KDM1B: variants seen among roughly 807,000 people sequenced by gnomAD.
KDM1B encodes the protein lysine demethylase 1B, also known as lysine-specific histone demethylase 2.
In KDM1B, 63 loss-of-function variants were observed where a neutral mutation model predicts 107.4. The ratio of observed to expected loss-of-function variants is 0.59; its 90% CI spans 0.48 to 0.72. The LOEUF (loss-of-function observed/expected upper bound fraction) is 0.72, where lower values mean the gene tolerates loss of function less well. Ranked by LOEUF, KDM1B falls within the 30% of genes least tolerant of loss-of-function variation. KDM1B has a pLI of 0.00. For missense variants in KDM1B, 749 were observed against 1,020.8 expected, an observed-to-expected ratio of 0.73 and a Z score of 3.63; for synonymous variants, 363 against 363.9, an observed-to-expected ratio of 1.00 and a Z score of 0.03.
intron 7 of KDM1B, among the ~76,000 whole-genome samples, chr6:18,179,836 A>AC (rs369714077): frequency 0.87 from 72,811 of 83,338 alleles, 33,903 homozygotes; most frequent in Non-Finnish European, 0.9. Flanking sequence ...TCAATTTAGC[A>AC]TTGGTTTTTT....
At chr6:18,219,979 G>A (rs893032020) in intron 21 of KDM1B, among the ~76,000 whole-genome samples, 2 of 152,214 alleles carry the variant, frequency 1.3e-5, no homozygotes, top group African/African-American at 2.4e-5. Context: ...AATGTGGTGA[G>A]GGATGTATTA....
At chr6:18,177,010 C>T (rs184776331) in intron 7 of KDM1B, among the ~76,000 whole-genome samples, 100 of 152,210 alleles carry the variant, frequency 6.6e-4, no homozygotes, top group Middle Eastern at 3.4e-3. Flanking sequence ...GGGAGGGTTC[C>T]TCTTTATCTT....
At position 18,212,279 on chromosome 6, in the gene KDM1B, C is replaced by A; in HGVS notation, c.1867-209C>A. On this transcript the variant is annotated intron_variant, in intron 17 of 21. Coordinates refer to ENST00000650836, the MANE Select transcript of KDM1B (RefSeq NM_001364614.2). This position sits in a 1 kb window ranked among gnomAD's most constrained non-coding sequence, Gnocchi z 5.2. ...TCTTCTTATCTAAGATGATTATTCA[C>A]CATCAGGACGTTTTTTGCCCACTCT... 1 of 584,628 alleles carries A rather than the reference C, an allele frequency of 1.7e-6. No homozygotes were observed. 36.2% of individuals were successfully genotyped at this position (584,628 alleles called of 1,614,324 possible). A position where few individuals can be genotyped will look rare whatever the true frequency, so the allele number is the denominator to read the frequency against.
chr6:18,165,219 TGCCTCCCAAGTTCACACCATTCTGCCTCA>T (rs1262988687), intron 5 of KDM1B, among the ~76,000 whole-genome samples: 3 of 140,932 alleles, frequency 2.1e-5, no homozygotes, highest in Non-Finnish European at 4.5e-5. Context: ...CTGCAAGCTC[TGCCTCCCAAGTTCACACCATTCTGCCTCA>T]GCCTCCCAAG....
chr6:18,216,036 TAA>T (rs1789203564), intron 20 of KDM1B, among the ~76,000 whole-genome samples: 1 of 152,274 alleles, frequency 6.6e-6, no homozygotes, highest in South Asian at 2.1e-4. Flanking sequence ...TTATGTAAGT[TAA>T]AGAGAAAGGG....
chr6:18,199,460 C>G (rs746056862), intron 12 of KDM1B, among the ~76,000 whole-genome samples: 2 of 152,112 alleles, frequency 1.3e-5, no homozygotes, highest in African/African-American at 4.8e-5. Context: ...CAAGTAGTTT[C>G]TAGAGATCCA....
rs1195779073 is a variant in KDM1B, at chr6:18,213,417, C to T, written c.1984-239C>T. The stretch of plus-strand genomic sequence containing the variant: ...CTCCATTGCACTCCCAGCTGGGCAA[C>T]AAGAGCGAAACTCCGTCTCAAAAAA... On this transcript the variant is annotated intron_variant, in intron 18 of 21. Transcript: ENST00000650836. This position sits in a 1 kb window ranked among gnomAD's most constrained non-coding sequence, Gnocchi z 5.9. 7.0e-6 allele frequency among the ~76,000 whole-genome samples: 1 copy of T among 143,522 alleles called. No individual in the cohort carries two copies. Among genetic ancestry groups the T allele is most frequent in the African/African-American group, 2.6e-5 (1 of 38,504 alleles). The allele number at this position is 143,522 out of a possible 152,430, so 94.2% of individuals were successfully genotyped here. A position where few individuals can be genotyped will look rare whatever the true frequency, so the allele number is the denominator to read the frequency against.
At chr6:18,190,732 G>A (rs1444752429) in intron 9 of KDM1B, among the ~76,000 whole-genome samples, 1 of 151,910 alleles carries the variant, frequency 6.6e-6, no homozygotes, top group Non-Finnish European at 1.5e-5. Context: ...GAAACCCATA[G>A]CTACTAAAAA....
chr6:18,217,593 C>T (rs186378526), intron 20 of KDM1B, 140 bp from the exon 21 acceptor site: 7 of 600,112 alleles, frequency 1.2e-5, no homozygotes, highest in East Asian at 2.7e-5. Flanking sequence ...TAGCCAGGAT[C>T]GTCTCGATCT....
At position 18,159,922 on chromosome 6, in the gene KDM1B, G is replaced by GA; in HGVS notation, c.33dup (p.Ala12SerfsTer4). The stretch of plus-strand genomic sequence containing the variant: ...TGGCAACTCCACGGGGGAGGACAAA[G>GA]AAAAAAGCATCTTTTGATCATTCTC... On this transcript the variant is annotated frameshift_variant, in exon 3 of 22. Transcript: ENST00000650836. LOFTEE classifies it high-confidence loss of function. This position sits in a 1 kb window ranked among gnomAD's most constrained non-coding sequence, Gnocchi z 4.5. The GA allele has an allele frequency of 6.2e-7, 1 of 1,609,970 alleles. No homozygotes were observed. The highest frequency in any genetic ancestry group is 8.5e-7 in the Non-Finnish European group (1 of 1,178,610).
chr6:18,193,649 C>G (rs191305152), intron 10 of KDM1B, among the ~76,000 whole-genome samples: 10 of 152,042 alleles, frequency 6.6e-5, no homozygotes, highest in African/African-American at 2.4e-4. Context: ...AATGTATTAT[C>G]TTCTGCAGCA....
In KDM1B at chr6:18,208,207, G is replaced by T; in HGVS notation, c.1866+1G>T. On this transcript the variant is annotated splice_donor_variant, in intron 17 of 21. Coordinates refer to ENST00000650836, the MANE Select transcript of KDM1B (RefSeq NM_001364614.2). LOFTEE classifies it high-confidence loss of function. ...TGGCACAGGGTATTCTGCACAAAAG[G>T]TAAGAGCTAGGGCAGTACAAGGGTG... 6.2e-7 allele frequency: 1 copy of T among 1,611,574 alleles called. No individual in the cohort carries two copies.
chr6:18,168,481 T>A (rs1785459790), intron 6 of KDM1B, among the ~76,000 whole-genome samples: 1 of 152,240 alleles, frequency 6.6e-6, no homozygotes, highest in Non-Finnish European at 1.5e-5. Context: ...ATTGAATGGA[T>A]ATGCCACAGT....
chr6:18,189,773 A>T (rs967253401), intron 9 of KDM1B, among the ~76,000 whole-genome samples: 1 of 152,216 alleles, frequency 6.6e-6, no homozygotes, highest in East Asian at 1.9e-4. Flanking sequence ...ATGTAACTCC[A>T]CTACTGACAT....
intron 6 of KDM1B, among the ~76,000 whole-genome samples, chr6:18,167,858 G>T (rs1348552470): frequency 6.6e-6 from 1 of 151,988 alleles, no homozygotes; most frequent in Non-Finnish European, 1.5e-5. Context: ...GGTCTCCCAG[G>T]CTCAAGTGAT....
At position 18,205,230 on chromosome 6, in the gene KDM1B, C is replaced by A. The variant is rs1464655419; in HGVS notation, c.1532-307C>A. ...TCTGTATCTTGAGCAAAAGAGGAAA[C>A]CACTTCTCAACGAAGCGAAATTGAG... On this transcript the variant is annotated intron_variant, in intron 14 of 21. Coordinates refer to ENST00000650836, the MANE Select transcript of KDM1B (RefSeq NM_001364614.2). The surrounding 1 kb of genome is among the most constrained non-coding windows in gnomAD (Gnocchi z 5.7). Among the ~76,000 whole-genome samples, 2 of 152,106 alleles carry A rather than the reference C, an allele frequency of 1.3e-5. No individual in the cohort carries two copies. Among genetic ancestry groups the A allele is most frequent in the Non-Finnish European group, 2.9e-5 (2 of 68,022 alleles).
At chr6:18,185,396 G>T (rs1582136761) in intron 7 of KDM1B, among the ~76,000 whole-genome samples, 1 of 151,902 alleles carries the variant, frequency 6.6e-6, no homozygotes, top group South Asian at 2.1e-4. Context: ...CCACTTTCCG[G>T]GTCCCAGTGA....
intron 17 of KDM1B, among the ~76,000 whole-genome samples, chr6:18,208,603 G>GTGTATATATATATATATATA (rs1359166965): frequency 2.1e-3 from 74 of 34,910 alleles, no homozygotes; most frequent in Non-Finnish European, 3.2e-3. Context: ...GTATGTGTAT[G>GTGTATATATATATATATATA]TATATATATA....
At chr6:18,168,754 G>A (rs772235759) in intron 6 of KDM1B, among the ~76,000 whole-genome samples, 1 of 152,154 alleles carries the variant, frequency 6.6e-6, no homozygotes, top group Non-Finnish European at 1.5e-5. Flanking sequence ...GTTTGAAGTG[G>A]TATCTCATGG....
Sources: allele counts gnomAD v4.1 joint callset (sites outside exome capture counted in the v4.1 genomes callset), GRCh38; gene constraint gnomAD v4.1.1; non-coding constraint Gnocchi (gnomAD v3.1); transcripts MANE v1.5; gene names NCBI Gene and HGNC (gene_info 2026-07-23, HGNC 2026-07-21).